ADD3: variants seen among roughly 807,000 people sequenced by gnomAD.
The protein encoded by ADD3 is gamma-adducin.
Under a neutral mutation model 80.2 loss-of-function variants are expected in ADD3, and 25 were observed. The observed-to-expected ratio is 0.31, with a 90% CI of 0.23 to 0.44. The LOEUF is 0.44. ADD3 is among the 20% of genes least tolerant of loss of function. ADD3 has a pLI of 1.00. For missense variants in ADD3, 829 were observed against 847.5 expected, an observed-to-expected ratio of 0.98 and a Z score of 0.27; for synonymous variants, 284 against 289.6, an observed-to-expected ratio of 0.98 and a Z score of 0.20.
intron 14 of ADD3, 131 bp from the exon 15 acceptor site, chr10:110,133,195 A>G (rs1853276890): frequency 1.1e-6 from 1 of 877,048 alleles, no homozygotes; most frequent in Admixed American, 2.8e-5. Flanking sequence ...ACAGTTTATT[A>G]AAATAATGAT....
Position 110,110,454 on chromosome 10 carries a change from A to G in ADD3, c.196-2323A>G, listed in dbSNP as rs556887663. On this transcript the variant is annotated intron_variant, in intron 2 of 14. Coordinates refer to ENST00000356080, the MANE Select transcript of ADD3 (RefSeq NM_016824.5). Reference sequence around the variant, plus strand: ...AGCTATAGGTTCACTGTTGACTCAGATGTTTGTGCAGGCCACCACAGTGCA... The same window carrying G: ...AGCTATAGGTTCACTGTTGACTCAGGTGTTTGTGCAGGCCACCACAGTGCA... 7.2e-5 allele frequency among the ~76,000 whole-genome samples: 11 copies of G among 152,262 alleles called. No individual in the cohort carries two copies. In the South Asian group the frequency reaches 2.3e-3, roughly 32 times the overall value.
intron 1 of ADD3, among the ~76,000 whole-genome samples, chr10:110,089,297 T>C (rs1847187050): frequency 6.6e-6 from 1 of 152,236 alleles, no homozygotes; most frequent in Admixed American, 6.5e-5. Flanking sequence ...GATTCCTCTT[T>C]TTAAAACCTC....
chr10:110,004,483 G>A (rs1209948707), upstream of ADD3, among the ~76,000 whole-genome samples: 1 of 151,846 alleles, frequency 6.6e-6, no homozygotes. Flanking sequence ...ACTAATTTTT[G>A]TATTTTTAGT....
intron 1 of ADD3, among the ~76,000 whole-genome samples, chr10:110,026,276 TTTC>T (rs1168306730): frequency 7.0e-6 from 1 of 141,940 alleles, no homozygotes; most frequent in Non-Finnish European, 1.5e-5. Context: ...TGACCCCAGT[TTTC>T]TTGTTTTTTT....
chr10:110,029,774 T>C (rs1182146141), intron 1 of ADD3, among the ~76,000 whole-genome samples: 5 of 152,220 alleles, frequency 3.3e-5, no homozygotes, highest in Non-Finnish European at 5.9e-5. Flanking sequence ...TCTTACCTGA[T>C]TGAAAGTTGC....
At chr10:110,045,439 ATTAG>A (rs1198293549) in intron 1 of ADD3, among the ~76,000 whole-genome samples, 1 of 152,200 alleles carries the variant, frequency 6.6e-6, no homozygotes, top group Non-Finnish European at 1.5e-5. Context: ...GAGCTATAAT[ATTAG>A]TTATAGCAAA....
At chr10:110,116,438 T>G in intron 4 of ADD3, 28 bp downstream of exon 4, 1 of 1,610,248 alleles carries the variant, frequency 6.2e-7, no homozygotes. Context: ...CAATTCCTTT[T>G]TTAAAAAATT....
intron 1 of ADD3, among the ~76,000 whole-genome samples, chr10:110,047,378 C>A (rs1048546252): frequency 6.6e-6 from 1 of 152,124 alleles, no homozygotes; most frequent in African/African-American, 2.4e-5. Flanking sequence ...TTGGGCAAGT[C>A]ACTTGGCTCT....
intron 1 of ADD3, among the ~76,000 whole-genome samples, chr10:109,998,653 C>T (rs572569660): frequency 6.6e-6 from 1 of 152,292 alleles, no homozygotes; most frequent in Non-Finnish European, 1.5e-5. Flanking sequence ...GGCCTCTCTC[C>T]TTCAGTCACA....
intron 1 of ADD3, among the ~76,000 whole-genome samples, chr10:110,030,603 A>G (rs775820346): frequency 2.0e-5 from 3 of 151,450 alleles, no homozygotes; most frequent in Non-Finnish European, 4.4e-5. Flanking sequence ...GCTTGGTGCC[A>G]GAATTATAGA....
chr10:110,130,445 A>C lies in ADD3; in HGVS notation c.1691A>C (p.Glu564Ala), dbSNP rs1226425166. The C allele has an allele frequency of 6.2e-7, 1 of 1,614,028 alleles. No individual in the cohort carries two copies. The highest frequency in any genetic ancestry group is 2.2e-5 in the East Asian group (1 of 44,894). ...CATCTCACAGAAGGAGAACTTGAAG[A>C]GTATAAGAGGACAATCGAACGTAAA... Reference protein sequence around the residue: ...FSHLTEGELEEYKRTIERKQQ... With the variant: ...FSHLTEGELEAYKRTIERKQQ... Residue 564 changes from glutamate to alanine, a missense_variant, in exon 13 of 15, where the codon GAG becomes GCG. Glu to Ala is a moderately radical substitution (Grantham distance 107). Transcript: ENST00000356080.
At chr10:110,116,506 T>C in intron 4 of ADD3, 96 bp downstream of exon 4, 1 of 1,293,554 alleles carries the variant, frequency 7.7e-7, no homozygotes. Context: ...GTTTTCAGAC[T>C]TATTCTCTAA....
At chr10:110,080,962 G>C (rs1845989129) in intron 1 of ADD3, among the ~76,000 whole-genome samples, 1 of 152,176 alleles carries the variant, frequency 6.6e-6, no homozygotes, top group Admixed American at 6.5e-5. Context: ...GCATTGGGTA[G>C]CATTACCTGT....
intron 1 of ADD3, among the ~76,000 whole-genome samples, chr10:110,072,202 C>A (rs112505663): frequency 1.3e-5 from 2 of 152,186 alleles, no homozygotes; most frequent in African/African-American, 4.8e-5. Flanking sequence ...TCTAGGACTA[C>A]AGGTGCCTGC....
chr10:110,085,044 G>A (rs1463802901), intron 1 of ADD3, among the ~76,000 whole-genome samples: 1 of 151,976 alleles, frequency 6.6e-6, no homozygotes. Flanking sequence ...ATTATTTCCA[G>A]TTTCTTCATG....
intron 1 of ADD3, among the ~76,000 whole-genome samples, chr10:110,016,142 G>GT (rs1852963054): frequency 6.6e-6 from 1 of 152,312 alleles, no homozygotes; most frequent in South Asian, 2.1e-4. Flanking sequence ...ACACCTGAAT[G>GT]TAACAGGACA....
At chr10:110,088,752 AT>A (rs555636399) in intron 1 of ADD3, among the ~76,000 whole-genome samples, 89 of 152,146 alleles carry the variant, frequency 5.8e-4, no homozygotes, top group South Asian at 1.2e-3. Context: ...GTTCTTTAAT[AT>A]TTTTTTGTGT....
intron 1 of ADD3, among the ~76,000 whole-genome samples, chr10:110,031,710 T>C (rs914976024): frequency 2.6e-5 from 4 of 152,122 alleles, no homozygotes; most frequent in African/African-American, 7.2e-5. Context: ...TGGTACCTAG[T>C]GAGTGGCCTA....
At chr10:110,130,075 CTT>C (rs1852753152) in intron 12 of ADD3, among the ~76,000 whole-genome samples, 1 of 151,858 alleles carries the variant, frequency 6.6e-6, no homozygotes, top group African/African-American at 2.4e-5. Context: ...TTATGTGAAA[CTT>C]ATTAGAACTT....
Sources: allele counts gnomAD v4.1 joint callset (sites outside exome capture counted in the v4.1 genomes callset), GRCh38; gene constraint gnomAD v4.1.1; transcripts MANE v1.5; gene names NCBI Gene and HGNC (gene_info 2026-07-23, HGNC 2026-07-21).